MICB: variants seen among roughly 807,000 people sequenced by gnomAD.
MICB encodes MHC class I polypeptide-related sequence B.
MICB carries 27 observed loss-of-function variants against 34.3 expected under a neutral mutation model. The observed-to-expected ratio is 0.79, with a 90% confidence interval of 0.58 to 1.08. The LOEUF is 1.08. Among genes scored for constraint, MICB ranks in the 50% least tolerant of loss-of-function variants. The pLI is 0.00. For missense variants in MICB, 426 were observed against 483.1 expected, an observed-to-expected ratio of 0.88 and a Z score of 1.11; for synonymous variants, 153 against 187.4, an observed-to-expected ratio of 0.82 and a Z score of 1.50.
rs200849864 is a variant in MICB, at chr6:31,507,225, C to A, written c.817C>A (p.Arg273Ser). The A allele has an allele frequency of 2.5e-6, 4 of 1,604,830 alleles. No homozygotes were observed. Among genetic ancestry groups the A allele is most frequent in the Non-Finnish European group, 8.5e-7 (1 of 1,177,062 alleles). ...CCAGACCTGGGTGGCCACCAGGATT[C>A]GCCAAGGAGAGGAGCAGAGGTTCAC... ...TYQTWVATRI[R>S]QGEEQRFTCY... Residue 273 changes from arginine (R) to serine (S), a missense_variant, in exon 4 of 6, where the codon CGC becomes AGC. Coordinates refer to ENST00000252229, the MANE Select transcript of MICB (RefSeq NM_005931.5). This position sits in a 1 kb window ranked among gnomAD's most constrained non-coding sequence, Gnocchi z 6.0.
At chr6:31,495,352 G>T (rs1764599876), upstream of MICB, among the ~76,000 whole-genome samples, 1 of 152,170 alleles carries the variant, frequency 6.6e-6, no homozygotes, top group African/African-American at 2.4e-5. Flanking sequence ...CACCGTGGAG[G>T]GAAGGGCTTG....
intron 1 of MICB, among the ~76,000 whole-genome samples, chr6:31,499,597 C>A (rs1028693598): frequency 6.6e-6 from 1 of 152,162 alleles, no homozygotes; most frequent in African/African-American, 2.4e-5. Flanking sequence ...CCAAGGAGAG[C>A]CCTGATGCTA....
chr6:31,499,545 G>A (rs1271679779), intron 1 of MICB, among the ~76,000 whole-genome samples: 3 of 112,460 alleles, frequency 2.7e-5, no homozygotes, highest in South Asian at 3.4e-4. Context: ...GCTGCCTTTT[G>A]TCCGGGGGGG....
rs1363608854 is a variant in MICB, at chr6:31,510,087, G to A, written c.*178G>A. The A allele has an allele frequency of 1.7e-6, 1 of 580,066 alleles. No homozygotes were observed. Among genetic ancestry groups the A allele is most frequent in the African/African-American group, 1.9e-5 (1 of 52,264 alleles). The allele number at this position is 580,066 out of a possible 1,614,324, so 35.9% of individuals were successfully genotyped here. ...CTCTGCCACGTAGAGAGCCAGCAAA[G>A]GGATCATGACCAACTCAACATTCCA... is the stretch of plus-strand genomic sequence containing the variant. On this transcript the variant is annotated 3_prime_UTR_variant, in exon 6 of 6. Coordinates refer to ENST00000252229, the MANE Select transcript of MICB (RefSeq NM_005931.5).
chr6:31,510,483 G>A lies in MICB; in HGVS notation c.*574G>A, dbSNP rs1456692573. ...TCGCCCTTTGTTCAGTCCAATACAG[G>A]GTTGTGGGGCCCTTAACAGTGCCAT... is the stretch of plus-strand genomic sequence containing the variant. On this transcript the variant is annotated 3_prime_UTR_variant, in exon 6 of 6. Coordinates refer to ENST00000252229, the MANE Select transcript of MICB (RefSeq NM_005931.5). 6.6e-6 allele frequency: 1 copy of A among 152,092 alleles called. No individual in the cohort carries two copies. Among genetic ancestry groups the A allele is most frequent in the Non-Finnish European group, 1.5e-5 (1 of 68,034 alleles). The allele number at this position is 152,092 out of a possible 1,614,324, so 9.4% of individuals were successfully genotyped here. A position where few individuals can be genotyped will look rare whatever the true frequency, so the allele number is the denominator to read the frequency against.
intron 5 of MICB, among the ~76,000 whole-genome samples, chr6:31,508,260 T>C (rs1234231373): frequency 2.0e-5 from 3 of 152,224 alleles, no homozygotes; most frequent in Non-Finnish European, 4.4e-5. Context: ...TTGCCCTCCC[T>C]GAGCCAATTT....
chr6:31,506,771 C>A (rs1198768430), intron 3 of MICB, among the ~76,000 whole-genome samples: 6 of 152,156 alleles, frequency 3.9e-5, no homozygotes, highest in African/African-American at 1.2e-4. Context: ...CCCCATGACC[C>A]AGGAGTCCAC....
intron 1 of MICB, among the ~76,000 whole-genome samples, chr6:31,502,745 G>A (rs1258338876): frequency 2.0e-5 from 3 of 152,122 alleles, no homozygotes; most frequent in Non-Finnish European, 4.4e-5. Context: ...TCCTTCTCCT[G>A]TCAGATTGCT....
chr6:31,504,495 G>C (rs942415781), intron 1 of MICB, among the ~76,000 whole-genome samples: 1 of 151,912 alleles, frequency 6.6e-6, no homozygotes, highest in Admixed American at 6.6e-5. Flanking sequence ...TCCTGACCTG[G>C]TGATACACCC....
chr6:31,501,353 G>A (rs1765010512), intron 1 of MICB, among the ~76,000 whole-genome samples: 1 of 152,160 alleles, frequency 6.6e-6, no homozygotes, highest in Non-Finnish European at 1.5e-5. Context: ...CAGATGAATA[G>A]TTTGAAAATA....
intron 1 of MICB, among the ~76,000 whole-genome samples, chr6:31,503,048 GAT>G (rs1765092867): frequency 6.6e-6 from 1 of 152,212 alleles, no homozygotes; most frequent in South Asian, 2.1e-4. Flanking sequence ...TACATTGATT[GAT>G]TTGTGTATGC....
intron 3 of MICB, 129 bp downstream of exon 3, chr6:31,506,559 T>C: frequency 2.0e-6 from 2 of 1,011,058 alleles, no homozygotes; most frequent in South Asian, 3.4e-5. Flanking sequence ...TATTGTGTCC[T>C]GATTTGCCTC....
Position 31,498,169 on chromosome 6 carries a change from C to A in MICB, c.-25C>A, listed in dbSNP as rs779844723. On this transcript the variant is annotated 5_prime_UTR_variant, in exon 1 of 6. In the 5' UTR this introduces an upstream ATG that the reference lacks. Coordinates refer to ENST00000252229, the MANE Select transcript of MICB (RefSeq NM_005931.5). The stretch of plus-strand genomic sequence containing the variant: ...CATTCAGTTGGCCACTGCTGAGCAG[C>A]TGAGAAGGTGGCGACGTAGGGGCCA... 1 of 1,569,220 alleles carries A rather than the reference C, an allele frequency of 6.4e-7. No homozygotes were observed. Among genetic ancestry groups the A allele is most frequent in the Admixed American group, 1.7e-5 (1 of 57,618 alleles).
chr6:31,502,768 T>G (rs9267404), intron 1 of MICB, among the ~76,000 whole-genome samples: 51,447 of 152,084 alleles, frequency 0.34, 8,844 homozygotes, highest in East Asian at 0.46. Flanking sequence ...AGCTAGGACT[T>G]GCAGTATTGT....
In MICB at chr6:31,507,948, G is replaced by A. The variant is rs562530812; in HGVS notation, c.1024+417G>A. On this transcript the variant is annotated intron_variant, in intron 5 of 5. Coordinates refer to ENST00000252229, the MANE Select transcript of MICB (RefSeq NM_005931.5). The surrounding 1 kb of genome is among the most constrained non-coding windows in gnomAD (Gnocchi z 6.0). ...AAATAGTAAAGGTGGCTGTGATCTGGGGAGGGCCAGAAACTGGAGAGGAAT... is the reference window on the plus strand; with the variant it reads ...AAATAGTAAAGGTGGCTGTGATCTGAGGAGGGCCAGAAACTGGAGAGGAAT... Among the ~76,000 whole-genome samples, 1 of 152,294 alleles carries A rather than the reference G, an allele frequency of 6.6e-6. No homozygotes were observed. The highest frequency in any genetic ancestry group is 1.9e-4 in the East Asian group (1 of 5,178).
intron 5 of MICB, among the ~76,000 whole-genome samples, chr6:31,509,022 G>A (rs947337148): frequency 1.3e-5 from 2 of 152,130 alleles, no homozygotes; most frequent in Non-Finnish European, 2.9e-5. Flanking sequence ...TGGCCTGGGT[G>A]GAATCCCTGC....
chr6:31,498,064 G>T, upstream of MICB: 4 of 580,388 alleles, frequency 6.9e-6, no homozygotes, highest in Non-Finnish European at 8.3e-6. Flanking sequence ...CCTAAGTTCC[G>T]GGCCTCAGTT....
chr6:31,509,979 G>C lies in MICB; in HGVS notation c.*70G>C, dbSNP rs1160217751. On this transcript the variant is annotated 3_prime_UTR_variant, in exon 6 of 6. Coordinates refer to ENST00000252229, the MANE Select transcript of MICB (RefSeq NM_005931.5). ...CACCAGCACTTTCCCTCTGTTTCCT[G>C]ACCTATGAAACAGAGAAAATAACAT... 6.4e-6 allele frequency: 9 copies of C among 1,414,016 alleles called. No individual in the cohort carries two copies. In the Admixed American group the frequency reaches 2.4e-4, roughly 38 times the overall value. The allele number at this position is 1,414,016 out of a possible 1,614,324, so 87.6% of individuals were successfully genotyped here.
Position 31,507,184 on chromosome 6 carries a change from A to T in MICB, c.776A>T (p.Asp259Val). The change falls in exon 4 of 6, where the codon GAT (aspartate) becomes GTT (valine). Residue 259 changes from aspartate (D) to valine (V), a missense_variant. By Grantham distance (152) the Asp-to-Val change is radical. Coordinates refer to ENST00000252229, the MANE Select transcript of MICB (RefSeq NM_005931.5). This position sits in a 1 kb window ranked among gnomAD's most constrained non-coding sequence, Gnocchi z 6.0. Reference sequence around the variant, plus strand: ...CAGCAGTGGGGGGATGTCCTGCCTGATGGGAATGGAACCTACCAGACCTGG... The same window carrying T: ...CAGCAGTGGGGGGATGTCCTGCCTGTTGGGAATGGAACCTACCAGACCTGG... ...NTQQWGDVLP[D>V]GNGTYQTWVA... 1 of 1,614,080 alleles carries T rather than the reference A, an allele frequency of 6.2e-7. No individual in the cohort carries two copies. Among genetic ancestry groups the T allele is most frequent in the Non-Finnish European group, 8.5e-7 (1 of 1,180,008 alleles).
Sources: allele counts gnomAD v4.1 joint callset (sites outside exome capture counted in the v4.1 genomes callset), GRCh38; gene constraint gnomAD v4.1.1; non-coding constraint Gnocchi (gnomAD v3.1); transcripts MANE v1.5; gene names NCBI Gene and HGNC (gene_info 2026-07-23, HGNC 2026-07-21).